Variants in PPARGC1A observed in about 807,000 individuals in gnomAD.
PPARGC1A encodes the protein peroxisome proliferator-activated receptor gamma coactivator 1-alpha.
PPARGC1A carries 25 observed loss-of-function variants against 88.7 expected under a neutral mutation model. That is an observed-to-expected ratio of 0.28 (90% CI 0.21 to 0.39). The LOEUF (loss-of-function observed/expected upper bound fraction) is 0.39, where lower values mean the gene tolerates loss of function less well. PPARGC1A is among the 10% of genes least tolerant of loss of function. PPARGC1A has a pLI of 1.00. For missense variants in PPARGC1A, 880 were observed against 968.7 expected, an observed-to-expected ratio of 0.91 and a Z score of 1.22; for synonymous variants, 363 against 355.6, an observed-to-expected ratio of 1.02 and a Z score of -0.24.
chr4:24,298,006 G>T, the PPARGC1A span, among the ~76,000 whole-genome samples: 1 of 152,206 alleles, frequency 6.6e-6, no homozygotes, highest in South Asian at 2.1e-4. Flanking sequence ...AGGAACCATA[G>T]TAGCTACAGA....
chr4:24,130,347 G>A, the PPARGC1A span, among the ~76,000 whole-genome samples: 1 of 152,114 alleles, frequency 6.6e-6, no homozygotes, highest in Non-Finnish European at 1.5e-5. Context: ...TTAGAAAGTG[G>A]AGAAGTCAAG....
the PPARGC1A span, among the ~76,000 whole-genome samples, chr4:24,179,519 A>G: frequency 2.6e-3 from 397 of 152,194 alleles, 3 homozygotes; most frequent in African/African-American, 9.1e-3. Context: ...TTGCTGGTAG[A>G]ACAAGCCCAT....
intron 2 of PPARGC1A, among the ~76,000 whole-genome samples, chr4:23,853,959 G>A (rs1378788776): frequency 6.6e-6 from 1 of 152,108 alleles, no homozygotes. Flanking sequence ...CATACACAGG[G>A]AAGATAATGA....
intron 7 of PPARGC1A, among the ~76,000 whole-genome samples, chr4:23,814,956 A>G (rs1270998687): frequency 6.6e-6 from 1 of 152,022 alleles, no homozygotes; most frequent in Non-Finnish European, 1.5e-5. Flanking sequence ...TTTCAAGGGG[A>G]TTGTATGGGC....
At chr4:24,282,328 A>G in the PPARGC1A span, among the ~76,000 whole-genome samples, 1 of 152,230 alleles carries the variant, frequency 6.6e-6, no homozygotes, top group Non-Finnish European at 1.5e-5. Context: ...CCACTTCTCC[A>G]TCTTGTCAAT....
At chr4:24,112,225 G>A in the PPARGC1A span, among the ~76,000 whole-genome samples, 8 of 152,150 alleles carry the variant, frequency 5.3e-5, no homozygotes, top group Non-Finnish European at 1.2e-4. Flanking sequence ...AAGACAGTAG[G>A]GAATGGTAGT....
At chr4:23,928,536 G>A in the PPARGC1A span, among the ~76,000 whole-genome samples, 1 of 152,080 alleles carries the variant, frequency 6.6e-6, no homozygotes, top group African/African-American at 2.4e-5. Context: ...TGGAAGACAG[G>A]GTGGGGATTC....
chr4:24,074,317 C>T, the PPARGC1A span, among the ~76,000 whole-genome samples: 1 of 151,384 alleles, frequency 6.6e-6, no homozygotes, highest in Non-Finnish European at 1.5e-5. Flanking sequence ...TTTCCGTTTC[C>T]TCATCTGTGA....
the PPARGC1A span, among the ~76,000 whole-genome samples, chr4:23,913,722 T>A: frequency 6.6e-6 from 1 of 152,178 alleles, no homozygotes; most frequent in Non-Finnish European, 1.5e-5. Context: ...AAATGGATCA[T>A]AGAGTTCTAT....
At chr4:24,209,637 C>A in the PPARGC1A span, among the ~76,000 whole-genome samples, 1 of 152,156 alleles carries the variant, frequency 6.6e-6, no homozygotes, top group Non-Finnish European at 1.5e-5. Context: ...TGAACCTGTG[C>A]CCCTAACTTG....
rs1172490144 is a variant in PPARGC1A, at chr4:23,813,075, T to A, written c.1844A>T (p.Asn615Ile). 6 of 1,613,978 alleles carry A rather than the reference T, an allele frequency of 3.7e-6. No individual in the cohort carries two copies. Among genetic ancestry groups the A allele is most frequent in the Admixed American group, 1.7e-5 (1 of 60,000 alleles). The change falls in exon 9 of 13, where the codon AAT (asparagine) becomes ATT (isoleucine). Residue 615 changes from asparagine (N) to isoleucine (I), a missense_variant. By Grantham distance (149) the Asn-to-Ile change is moderately radical (BLOSUM62 -3). Coordinates refer to ENST00000264867, the MANE Select transcript of PPARGC1A (RefSeq NM_013261.5). The part of the protein sequence containing the change: ...SSHYRHRTHR[N>I]SPLYVRSRSR... ...ACGTGATCTCACATACAAGGGAGAA[T>A]TTCGGTGCGTGCGGTGTCTGTAGTG...
the PPARGC1A span, among the ~76,000 whole-genome samples, chr4:24,008,655 G>T: frequency 2.0e-5 from 3 of 151,832 alleles, no homozygotes; most frequent in Non-Finnish European, 4.4e-5. Context: ...ATTCAAGTTT[G>T]GTTGCCCTTC....
chr4:24,053,419 G>T, the PPARGC1A span, among the ~76,000 whole-genome samples: 1 of 152,162 alleles, frequency 6.6e-6, no homozygotes, highest in Non-Finnish European at 1.5e-5. Context: ...AAAGTTGCAT[G>T]CATAAAAGGC....
At chr4:24,459,695 T>G in the PPARGC1A span, among the ~76,000 whole-genome samples, 1 of 152,134 alleles carries the variant, frequency 6.6e-6, no homozygotes, top group Non-Finnish European at 1.5e-5. Flanking sequence ...GAGGCTGAAG[T>G]GGGAGACTTG....
the PPARGC1A span, among the ~76,000 whole-genome samples, chr4:24,026,495 C>T: frequency 1.3e-5 from 2 of 152,130 alleles, no homozygotes; most frequent in African/African-American, 4.8e-5. Flanking sequence ...GTCCCTTTCT[C>T]CTTTTGTATT....
chr4:23,976,531 T>C, the PPARGC1A span, among the ~76,000 whole-genome samples: 1 of 152,238 alleles, frequency 6.6e-6, no homozygotes, highest in African/African-American at 2.4e-5. Context: ...GACTGAATTA[T>C]GTCTCACCCT....
the PPARGC1A span, among the ~76,000 whole-genome samples, chr4:24,018,796 C>T: frequency 6.6e-6 from 1 of 152,100 alleles, no homozygotes; most frequent in South Asian, 2.1e-4. Flanking sequence ...AAAGATCTCC[C>T]CCATTTCCCC....
chr4:24,011,889 TATC>T, the PPARGC1A span, among the ~76,000 whole-genome samples: 1 of 152,214 alleles, frequency 6.6e-6, no homozygotes, highest in African/African-American at 2.4e-5. Context: ...ACTGCCAACT[TATC>T]ATATGAACAG....
the PPARGC1A span, among the ~76,000 whole-genome samples, chr4:24,439,641 A>G: frequency 6.6e-6 from 1 of 152,242 alleles, no homozygotes; most frequent in African/African-American, 2.4e-5. Context: ...GATTTCCAGA[A>G]GAAACGGGAA....
Sources: allele counts gnomAD v4.1 joint callset (sites outside exome capture counted in the v4.1 genomes callset), GRCh38; gene constraint gnomAD v4.1.1; transcripts MANE v1.5; gene names NCBI Gene and HGNC (gene_info 2026-07-23, HGNC 2026-07-21).